Variants in FHIT observed in about 807,000 individuals in gnomAD.
FHIT encodes fragile histidine triad diadenosine triphosphatase.
Under a neutral mutation model 17.9 loss-of-function variants are expected in FHIT, and 19 were observed. That is an observed-to-expected ratio of 1.06 (90% CI 0.74 to 1.56). The LOEUF (loss-of-function observed/expected upper bound fraction) is 1.56, where lower values mean the gene tolerates loss of function less well. FHIT is among the 40% of genes most tolerant of loss of function. The pLI is 0.00. For synonymous variants in FHIT, 81 were observed against 69.7 expected (o/e 1.16, Z -0.81); for missense variants, 248 against 189.2 (o/e 1.31, Z -1.82).
chr3:60,188,395 T>G (rs1702256673), intron 5 of FHIT, among the ~76,000 whole-genome samples: 1 of 152,142 alleles, frequency 6.6e-6, no homozygotes, highest in Non-Finnish European at 1.5e-5. Flanking sequence ...TATTTTGGCT[T>G]TATTTTTTAG....
At chr3:61,078,898 T>C (rs1308121445) in intron 2 of FHIT, among the ~76,000 whole-genome samples, 3 of 152,184 alleles carry the variant, frequency 2.0e-5, no homozygotes, top group Non-Finnish European at 2.9e-5. Flanking sequence ...TGAATCTGTG[T>C]TTTTTAAATA....
intron 4 of FHIT, among the ~76,000 whole-genome samples, chr3:60,721,294 T>C (rs568262370): frequency 2.0e-5 from 3 of 152,264 alleles, no homozygotes; most frequent in African/African-American, 7.2e-5. Context: ...TTCTGCTATG[T>C]AAAAACATGA....
intron 5 of FHIT, among the ~76,000 whole-genome samples, chr3:60,187,175 AAC>A (rs1168700374): frequency 1.3e-5 from 2 of 152,162 alleles, no homozygotes; most frequent in African/African-American, 4.8e-5. Flanking sequence ...ATGGCCAGGG[AAC>A]ACAAAATACA....
At chr3:60,666,220 C>CAA (rs1553692403) in intron 4 of FHIT, among the ~76,000 whole-genome samples, 3 of 152,106 alleles carry the variant, frequency 2.0e-5, no homozygotes, top group Non-Finnish European at 4.4e-5. Context: ...TCTAAGATTT[C>CAA]ATCTTGTATT....
chr3:60,411,895 T>C (rs1161323249), intron 5 of FHIT, among the ~76,000 whole-genome samples: 2 of 152,160 alleles, frequency 1.3e-5, no homozygotes, highest in African/African-American at 4.8e-5. Flanking sequence ...CTAGAAAAAC[T>C]GCTGGATGAC....
intron 2 of FHIT, among the ~76,000 whole-genome samples, chr3:61,125,988 G>C (rs1441029369): frequency 6.6e-6 from 1 of 152,084 alleles, no homozygotes; most frequent in Non-Finnish European, 1.5e-5. Context: ...TGCTGCTCAG[G>C]GTATTAAGTA....
chr3:60,681,828 C>G (rs1167033160), intron 4 of FHIT, among the ~76,000 whole-genome samples: 1 of 152,122 alleles, frequency 6.6e-6, no homozygotes, highest in Middle Eastern at 3.2e-3. Flanking sequence ...TTGAAGATAG[C>G]AGAGGCTGAT....
chr3:60,730,353 C>A, intron 4 of FHIT: 2 of 255,400 alleles, frequency 7.8e-6, no homozygotes, highest in South Asian at 1.2e-4. Flanking sequence ...TCTTTGGAGT[C>A]ATGGTGGACA....
chr3:61,221,125 G>A (rs903993994), intron 1 of FHIT, among the ~76,000 whole-genome samples: 3 of 152,190 alleles, frequency 2.0e-5, no homozygotes. Flanking sequence ...GACCCTGGCT[G>A]GGTTGGTGCC....
chr3:60,250,823 CCTG>C, intron 5 of FHIT, among the ~76,000 whole-genome samples: 1 of 152,246 alleles, frequency 6.6e-6, no homozygotes, highest in South Asian at 2.1e-4. Context: ...GGTTTTGCTG[CCTG>C]CTAAGTGATG....
At chr3:61,136,220 C>T (rs895309094) in intron 2 of FHIT, among the ~76,000 whole-genome samples, 3 of 151,938 alleles carry the variant, frequency 2.0e-5, no homozygotes, top group Non-Finnish European at 4.4e-5. Context: ...ACCGTCACCA[C>T]GCCCCCACCC....
At chr3:60,962,348 T>G (rs1709497605) in intron 3 of FHIT, among the ~76,000 whole-genome samples, 1 of 152,236 alleles carries the variant, frequency 6.6e-6, no homozygotes, top group African/African-American at 2.4e-5. Flanking sequence ...GATGGGGATT[T>G]CTAAATGTAC....
intron 4 of FHIT, among the ~76,000 whole-genome samples, chr3:60,799,663 C>T (rs1701116654): frequency 6.6e-6 from 1 of 152,150 alleles, no homozygotes; most frequent in Non-Finnish European, 1.5e-5. Flanking sequence ...TTCTCCTTTC[C>T]CTACTCCTTT....
In FHIT at chr3:60,180,711, C is replaced by T. The variant is rs140094565; in HGVS notation, c.104-166559G>A. 1.1e-4 allele frequency among the ~76,000 whole-genome samples: 16 copies of T among 152,150 alleles called. No homozygotes were observed. In the East Asian group the frequency reaches 3.1e-3, roughly 29 times the overall value. ...CTTCCTTTATAATTTGACGTTGATGCTTTTTCACAGATAAGCATTTATCTT... is the reference window on the plus strand; with the variant it reads ...CTTCCTTTATAATTTGACGTTGATGTTTTTTCACAGATAAGCATTTATCTT... On this transcript the variant is annotated intron_variant, in intron 5 of 9. Transcript: ENST00000492590.
At chr3:60,840,519 C>T (rs937273803) in intron 3 of FHIT, among the ~76,000 whole-genome samples, 1 of 152,134 alleles carries the variant, frequency 6.6e-6, no homozygotes, top group Non-Finnish European at 1.5e-5. Flanking sequence ...TACCTGTAAA[C>T]TTGTTAATTA....
chr3:60,805,677 T>A lies in FHIT; in HGVS notation c.-18+16242A>T, dbSNP rs868993595. On this transcript the variant is annotated intron_variant, in intron 4 of 9. Transcript: ENST00000492590. Reference sequence around the variant, plus strand: ...TTCGTGCCATTCTCCTGCCTTAGCCTCCCGAGGAGCTGGGACTACAGGCAC... The same window carrying A: ...TTCGTGCCATTCTCCTGCCTTAGCCACCCGAGGAGCTGGGACTACAGGCAC... Among the ~76,000 whole-genome samples the A allele has an allele frequency of 1.1e-4, 17 of 152,224 alleles. 2 individuals carry two copies. In the South Asian group the frequency reaches 3.3e-3, roughly 30 times the overall value.
intron 7 of FHIT, among the ~76,000 whole-genome samples, chr3:59,930,041 T>C (rs541851277): frequency 6.6e-6 from 1 of 152,230 alleles, no homozygotes; most frequent in East Asian, 1.9e-4. Flanking sequence ...TGACTGGAGC[T>C]TATAAAACCT....
At chr3:61,107,241 C>G (rs1283193046) in intron 2 of FHIT, among the ~76,000 whole-genome samples, 1 of 152,116 alleles carries the variant, frequency 6.6e-6, no homozygotes, top group African/African-American at 2.4e-5. Context: ...CTTTCTGTGC[C>G]TGGCTTATTT....
chr3:60,796,488 G>A (rs1245820322), intron 4 of FHIT, among the ~76,000 whole-genome samples: 3 of 152,202 alleles, frequency 2.0e-5, no homozygotes, highest in African/African-American at 4.8e-5. Flanking sequence ...TAGCTCATAT[G>A]TGTTATATTT....
Sources: allele counts gnomAD v4.1 joint callset (sites outside exome capture counted in the v4.1 genomes callset), GRCh38; gene constraint gnomAD v4.1.1; transcripts MANE v1.5; gene names NCBI Gene and HGNC (gene_info 2026-07-23, HGNC 2026-07-21).